Variants in AGO4 observed in about 807,000 individuals in gnomAD.
AGO4 encodes protein argonaute-4.
A neutral mutation model predicts 104.7 loss-of-function variants in AGO4; 33 were observed. That is an observed-to-expected ratio of 0.32 (90% CI 0.24 to 0.42). The LOEUF is 0.42. AGO4 is among the 10% of genes least tolerant of loss of function. AGO4 has a pLI of 1.00. For synonymous variants in AGO4, 331 were observed against 364.7 expected (o/e 0.91, Z 1.05); for missense variants, 711 against 1,083.4 (o/e 0.66, Z 4.83).
chr1:35,822,111 C>G (rs899692007), intron 2 of AGO4, among the ~76,000 whole-genome samples: 7 of 152,038 alleles, frequency 4.6e-5, no homozygotes, highest in Admixed American at 2.6e-4. Context: ...AACTCCTGAC[C>G]TCAAGTGATC....
chr1:35,840,087 G>A (rs1305839840), intron 13 of AGO4, among the ~76,000 whole-genome samples: 1 of 151,594 alleles, frequency 6.6e-6, no homozygotes. Context: ...TACCTCCTGG[G>A]TTCAAGTGAT....
In AGO4 at chr1:35,818,568, GAGTGGAGATCATGCCGCT is replaced by G. The variant is rs1269179606; in HGVS notation, c.185+1522_185+1539del. ...GAATCTGGGAGACGGAGGTTGCAGT[GAGTGGAGATCATGCCGCT>G]GCATTCCAGCCTGGGCAACAGAGGG... On this transcript the variant is annotated intron_variant, in intron 2 of 17. Transcript: ENST00000373210. 3.9e-5 allele frequency among the ~76,000 whole-genome samples: 6 copies of G among 151,974 alleles called. No homozygotes were observed. The South Asian group carries it at 6.2e-4, about 16-fold the overall frequency.
intron 15 of AGO4, among the ~76,000 whole-genome samples, chr1:35,842,114 G>A (rs956143434): frequency 3.9e-5 from 6 of 152,014 alleles, no homozygotes; most frequent in Non-Finnish European, 7.4e-5. Context: ...GTATAAAGAA[G>A]AATTTATCTT....
Position 35,832,583 on chromosome 1 carries a change from A to G in AGO4, c.1379+13A>G. The G allele has an allele frequency of 1.2e-6, 2 of 1,611,940 alleles. No homozygotes were observed. Among genetic ancestry groups the G allele is most frequent in the Non-Finnish European group, 1.7e-6 (2 of 1,179,328 alleles). On this transcript the variant is annotated intron_variant, in intron 11 of 17. Transcript: ENST00000373210. ...AAGATTTACTAAAGTGAGTATCTTC[A>G]TATTTTCAGCTTAGTAATATCCCTT...
intron 3 of AGO4, among the ~76,000 whole-genome samples, chr1:35,824,349 T>A (rs1243397652): frequency 4.6e-5 from 7 of 152,162 alleles, no homozygotes; most frequent in Non-Finnish European, 5.9e-5. Flanking sequence ...TATGTTGATG[T>A]GTATTCTTAT....
chr1:35,817,179 G>T (rs1049963715), intron 2 of AGO4, 132 bp downstream of exon 2: 10 of 970,812 alleles, frequency 1.0e-5, no homozygotes, highest in African/African-American at 8.6e-5. Flanking sequence ...TTAATAGCAG[G>T]TTTGCTGTCT....
At chr1:35,826,261 T>G (rs1644018600) in intron 6 of AGO4, among the ~76,000 whole-genome samples, 1 of 152,164 alleles carries the variant, frequency 6.6e-6, no homozygotes, top group Non-Finnish European at 1.5e-5. Context: ...CTTGTAGAGT[T>G]GTTGTGAGAA....
chr1:35,823,256 T>G (rs1051105274), intron 3 of AGO4, among the ~76,000 whole-genome samples: 1 of 151,044 alleles, frequency 6.6e-6, no homozygotes, highest in Admixed American at 6.6e-5. Flanking sequence ...TTAGAAATTT[T>G]TTTTTTTTTT....
At chr1:35,844,375 C>A (rs1644517236) in intron 15 of AGO4, among the ~76,000 whole-genome samples, 1 of 152,144 alleles carries the variant, frequency 6.6e-6, no homozygotes, top group Non-Finnish European at 1.5e-5. Flanking sequence ...AACCATATTA[C>A]AAATTCATGA....
In AGO4 at chr1:35,808,415, C is replaced by T. The variant is rs1047115644; in HGVS notation, c.-2C>T. The stretch of plus-strand genomic sequence containing the variant: ...CGGGGCGAGGCGGCCCCCGCCGCCG[C>T]CATGGAGGCGCTGGGACCCGGTGAG... On this transcript the variant is annotated 5_prime_UTR_variant, in exon 1 of 18. Coordinates refer to ENST00000373210, the MANE Select transcript of AGO4 (RefSeq NM_017629.4). The surrounding 1 kb of genome is among the most constrained non-coding windows in gnomAD (Gnocchi z 5.2). 1 of 1,153,214 alleles carries T rather than the reference C, an allele frequency of 8.7e-7. No homozygotes were observed. Among genetic ancestry groups the T allele is most frequent in the Admixed American group, 4.8e-5 (1 of 20,906 alleles). The allele number at this position is 1,153,214 out of a possible 1,614,324, so 71.4% of individuals were successfully genotyped here. A position where few individuals can be genotyped will look rare whatever the true frequency, so the allele number is the denominator to read the frequency against.
chr1:35,846,068 G>A (rs372125072), intron 15 of AGO4, among the ~76,000 whole-genome samples: 1 of 152,154 alleles, frequency 6.6e-6, no homozygotes, highest in Non-Finnish European at 1.5e-5. Context: ...CCTCCCCCAG[G>A]CAGGGGCATG....
chr1:35,853,658 G>A lies in AGO4; in HGVS notation c.*53G>A. ...TTGGCACCCCATGCAGCCTCAAAAT[G>A]TTTCAAATGCCTACCGCCTCTAGAT... On this transcript the variant is annotated 3_prime_UTR_variant, in exon 18 of 18. Coordinates refer to ENST00000373210, the MANE Select transcript of AGO4 (RefSeq NM_017629.4). 1 of 1,509,094 alleles carries A rather than the reference G, an allele frequency of 6.6e-7. No homozygotes were observed. The highest frequency in any genetic ancestry group is 9.2e-7 in the Non-Finnish European group (1 of 1,088,540). 93.5% of individuals were successfully genotyped at this position (1,509,094 alleles called of 1,614,324 possible).
chr1:35,825,786 C>G lies in AGO4; in HGVS notation c.596C>G (p.Ala199Gly). Residue 199 changes from alanine (A) to glycine (G), a missense_variant, in exon 5 of 18, where the codon GCC (alanine) becomes GGC (glycine). By Grantham distance (60) the Ala-to-Gly change is moderately conservative. Transcript: ENST00000373210. Reference protein sequence around the residue: ...WFGFHQSVRPAMWNMMLNIDV... With the variant: ...WFGFHQSVRPGMWNMMLNIDV... ...GGTTTTCATCAGTCTGTGAGACCTG[C>G]CATGTGGAATATGATGCTCAACATT... is the stretch of plus-strand genomic sequence containing the variant. 6.3e-7 allele frequency: 1 copy of G among 1,592,586 alleles called. No homozygotes were observed. Among genetic ancestry groups the G allele is most frequent in the South Asian group, 1.1e-5 (1 of 87,098 alleles).
At chr1:35,845,556 T>C (rs925321951) in intron 15 of AGO4, among the ~76,000 whole-genome samples, 1 of 152,112 alleles carries the variant, frequency 6.6e-6, no homozygotes, top group African/African-American at 2.4e-5. Flanking sequence ...CATTAAACAC[T>C]GATATTTCCC....
chr1:35,821,101 C>T (rs1389373758), intron 2 of AGO4, among the ~76,000 whole-genome samples: 2 of 151,892 alleles, frequency 1.3e-5, no homozygotes, highest in East Asian at 3.9e-4. Context: ...TAATCATTTT[C>T]CTATTTGTTT....
In AGO4 at chr1:35,834,044, G is replaced by C. The variant is rs751209340; in HGVS notation, c.1434G>C (p.Gln478His). ...KISKDAGMPI[Q>H]GQPCFCKYAQ... ...CTAAGGATGCAGGAATGCCCATCCA[G>C]GGTCAGCCATGTTTCTGCAAGTATG... The change falls in exon 12 of 18, where the codon CAG becomes CAC. Residue 478 changes from glutamine (Q) to histidine (H), a missense_variant. Around this residue, in one of 3 missense-constraint regions of AGO4, gnomAD observed 401 missense variants for 665.5 expected, o/e 0.60. Transcript: ENST00000373210. 6.2e-7 allele frequency: 1 copy of C among 1,610,668 alleles called. No individual in the cohort carries two copies. The highest frequency in any genetic ancestry group is 8.5e-7 in the Non-Finnish European group (1 of 1,178,374).
In AGO4 at chr1:35,850,147, T is replaced by C. The variant is rs1384206943; in HGVS notation, c.2176-10T>C. The C allele has an allele frequency of 6.4e-6, 10 of 1,560,894 alleles. No homozygotes were observed. Among genetic ancestry groups the C allele is most frequent in the Non-Finnish European group, 8.7e-6 (10 of 1,155,556 alleles). On this transcript the variant is annotated splice_polypyrimidine_tract_variant and intron_variant, in intron 15 of 17. Transcript: ENST00000373210. Reference sequence around the variant, plus strand: ...TTTGATGACTAATTACTTTTTTTTGTTTTTTGTAGGTAGGGAAAAGTGGCA... The same window carrying C: ...TTTGATGACTAATTACTTTTTTTTGCTTTTTGTAGGTAGGGAAAAGTGGCA...
intron 15 of AGO4, among the ~76,000 whole-genome samples, chr1:35,845,006 T>C (rs761783145): frequency 6.6e-6 from 1 of 152,196 alleles, no homozygotes; most frequent in African/African-American, 2.4e-5. Flanking sequence ...AAGAGATACT[T>C]TGTCAGATTC....
At chr1:35,832,763 C>T (rs376219044) in intron 11 of AGO4, among the ~76,000 whole-genome samples, 193 bp downstream of exon 11, 2 of 152,262 alleles carry the variant, frequency 1.3e-5, no homozygotes, top group East Asian at 1.9e-4. Context: ...GACTCAGCTT[C>T]CTTACATGTA....
Sources: allele counts gnomAD v4.1 joint callset (sites outside exome capture counted in the v4.1 genomes callset), GRCh38; gene constraint gnomAD v4.1.1; regional missense constraint gnomAD v4.1.1; non-coding constraint Gnocchi (gnomAD v3.1); transcripts MANE v1.5; gene names NCBI Gene and HGNC (gene_info 2026-07-23, HGNC 2026-07-21).